Variants in KAZN observed in about 807,000 individuals in gnomAD.
The protein encoded by KAZN is kazrin, periplakin interacting protein.
Under a neutral mutation model 87.4 loss-of-function variants are expected in KAZN, and 40 were observed. That is an observed-to-expected ratio of 0.46 (90% CI 0.36 to 0.60). KAZN has a LOEUF of 0.60. Among genes scored for constraint, KAZN ranks in the 20% least tolerant of loss-of-function variants. The probability of loss-of-function intolerance (pLI) is 0.00; values close to 1 mark genes in which losing one functional copy is unlikely to be tolerated. For missense variants in KAZN, 898 were observed against 1,073.9 expected (o/e 0.84, Z 2.29); for synonymous variants, 466 against 458.3 (o/e 1.02, Z -0.22).
chr1:14,418,052 C>G (rs573706425), intron 2 of KAZN, among the ~76,000 whole-genome samples: 59 of 96,204 alleles, frequency 6.1e-4, no homozygotes, highest in Non-Finnish European at 1.1e-3. Flanking sequence ...AAACCTACAT[C>G]GAAAGATTTG....
intron 2 of KAZN, among the ~76,000 whole-genome samples, chr1:14,503,285 C>A (rs2148431411): frequency 1.2e-5 from 1 of 83,646 alleles, no homozygotes; most frequent in East Asian, 2.3e-4. Context: ...AGATCGAGAG[C>A]ATCCTGGCTA....
chr1:14,234,505 T>C (rs1004411551), intron 2 of KAZN, among the ~76,000 whole-genome samples: 1 of 152,102 alleles, frequency 6.6e-6, no homozygotes, highest in African/African-American at 2.4e-5. Context: ...TATACCTATG[T>C]AACAAACCTG....
intron 2 of KAZN, among the ~76,000 whole-genome samples, chr1:15,023,095 G>A (rs1489163517): frequency 6.6e-6 from 1 of 152,190 alleles, no homozygotes; most frequent in Non-Finnish European, 1.5e-5. Context: ...TGGGGGTCTG[G>A]TTTCCAGGCT....
intron 1 of KAZN, among the ~76,000 whole-genome samples, chr1:14,680,518 A>G (rs998429320): frequency 1.1e-4 from 17 of 152,142 alleles, no homozygotes; most frequent in African/African-American, 3.9e-4. Flanking sequence ...ACACAGGTAT[A>G]TATGTGCCAT....
chr1:14,249,272 A>T (rs1649791615), intron 2 of KAZN, among the ~76,000 whole-genome samples: 1 of 152,228 alleles, frequency 6.6e-6, no homozygotes, highest in South Asian at 2.1e-4. Context: ...AAAGTTGATT[A>T]TTCGGTAAAA....
chr1:14,116,065 A>G (rs1328775941), intron 1 of KAZN, among the ~76,000 whole-genome samples: 3 of 151,674 alleles, frequency 2.0e-5, no homozygotes, highest in Non-Finnish European at 4.4e-5. Flanking sequence ...ATTCAGTTTT[A>G]TAAAGGAAGC....
chr1:14,279,382 A>G (rs1483295507), intron 2 of KAZN, among the ~76,000 whole-genome samples: 2 of 152,198 alleles, frequency 1.3e-5, no homozygotes, highest in Non-Finnish European at 2.9e-5. Flanking sequence ...TCATGTGCAC[A>G]TCCTAGGTAA....
chr1:14,738,020 A>G (rs1288249317), intron 1 of KAZN, among the ~76,000 whole-genome samples: 1 of 152,234 alleles, frequency 6.6e-6, no homozygotes, highest in Non-Finnish European at 1.5e-5. Context: ...CAAAGTGGGT[A>G]CACCAGGAGA....
rs1557617474 is a variant in KAZN at position 14,916,806 on chromosome 1, T to C, written c.227-43878T>C. On this transcript the variant is annotated intron_variant, in intron 1 of 14. Coordinates refer to ENST00000376030, the MANE Select transcript of KAZN (RefSeq NM_201628.3). ...TGGCACACCTGTGGTCCTAGGTACT[T>C]GGGAGACTGAGGCAGAAGGATTGCT... is the stretch of plus-strand genomic sequence containing the variant. Among the ~76,000 whole-genome samples the C allele has an allele frequency of 2.0e-5, 3 of 151,886 alleles. No homozygotes were observed. In the South Asian group the frequency reaches 6.2e-4, roughly 32 times the overall value.
intron 2 of KAZN, among the ~76,000 whole-genome samples, chr1:14,984,544 A>G (rs1666581658): frequency 6.6e-6 from 1 of 152,166 alleles, no homozygotes; most frequent in Admixed American, 6.6e-5. Flanking sequence ...TATGCAATTG[A>G]CAAGTCATAA....
At chr1:14,931,203 G>A (rs1341060798) in intron 1 of KAZN, among the ~76,000 whole-genome samples, 18 of 152,002 alleles carry the variant, frequency 1.2e-4, no homozygotes, top group Admixed American at 8.5e-4. Context: ...TTGGGTGGCC[G>A]AAGCAGGCGG....
chr1:14,207,831 G>A (rs1646775587), intron 2 of KAZN, among the ~76,000 whole-genome samples: 1 of 152,194 alleles, frequency 6.6e-6, no homozygotes, highest in Non-Finnish European at 1.5e-5. Context: ...GAGCTAGAGG[G>A]CCACACAAGA....
chr1:14,897,038 G>C (rs1178093199), intron 1 of KAZN, among the ~76,000 whole-genome samples: 1 of 152,190 alleles, frequency 6.6e-6, no homozygotes, highest in African/African-American at 2.4e-5. Context: ...ATTAGGTCAA[G>C]GAACTGTACT....
At chr1:14,331,262 T>A (rs936221737) in intron 2 of KAZN, among the ~76,000 whole-genome samples, 4 of 152,118 alleles carry the variant, frequency 2.6e-5, no homozygotes, top group Non-Finnish European at 5.9e-5. Flanking sequence ...GTGAGAGGCA[T>A]CCATGACTGC....
intron 2 of KAZN, among the ~76,000 whole-genome samples, chr1:14,286,167 T>A (rs1164911942): frequency 6.6e-6 from 1 of 152,198 alleles, no homozygotes; most frequent in African/African-American, 2.4e-5. Flanking sequence ...AAGTCCAAGA[T>A]CAAGGCATTG....
intron 1 of KAZN, among the ~76,000 whole-genome samples, chr1:14,715,796 G>A (rs927702738): frequency 6.6e-5 from 10 of 152,118 alleles, no homozygotes; most frequent in South Asian, 2.1e-4. Context: ...AGGCCTCTCC[G>A]AAGAGTGAAA....
At chr1:14,904,052 G>A (rs183739143) in intron 1 of KAZN, among the ~76,000 whole-genome samples, 1 of 152,250 alleles carries the variant, frequency 6.6e-6, no homozygotes, top group East Asian at 1.9e-4. Flanking sequence ...CTGGTCAACG[G>A]GTTGGTTAGT....
rs550479569 is a variant in KAZN at position 14,075,730 on chromosome 1, G to C, written c.92-104705G>C. Reference sequence around the variant, plus strand: ...CCTACCCAAGACAGTCTGCACCAGGGAGAGCAGCAACACTTGGGCTGAATA... The same window carrying C: ...CCTACCCAAGACAGTCTGCACCAGGCAGAGCAGCAACACTTGGGCTGAATA... On this transcript the variant is annotated intron_variant, in intron 1 of 16. Coordinates refer to the KAZN transcript ENST00000636203. Among the ~76,000 whole-genome samples the C allele has an allele frequency of 3.9e-5, 6 of 152,242 alleles. No homozygotes were observed. In the South Asian group the frequency reaches 1.2e-3, roughly 32 times the overall value.
At chr1:14,493,487 G>T (rs879291308) in intron 2 of KAZN, among the ~76,000 whole-genome samples, 1 of 151,076 alleles carries the variant, frequency 6.6e-6, no homozygotes, top group Non-Finnish European at 1.5e-5. Flanking sequence ...GGAGGAAGAT[G>T]GGGTGGGGAA....
Sources: allele counts gnomAD v4.1 joint callset (sites outside exome capture counted in the v4.1 genomes callset), GRCh38; gene constraint gnomAD v4.1.1; transcripts MANE v1.5; gene names NCBI Gene and HGNC (gene_info 2026-07-23, HGNC 2026-07-21).